GTF2H1: variants seen among roughly 807,000 people sequenced by gnomAD.
GTF2H1 encodes the protein general transcription factor IIH subunit 1.
Under a neutral mutation model 71.2 loss-of-function variants are expected in GTF2H1, and 16 were observed. The observed-to-expected ratio is 0.22, with a 90% CI of 0.15 to 0.34. The LOEUF (loss-of-function observed/expected upper bound fraction) is 0.34. Among genes scored for constraint, GTF2H1 ranks in the 10% least tolerant of loss-of-function variants. GTF2H1 has a pLI of 1.00. For missense variants in GTF2H1, 498 were observed against 648.2 expected (o/e 0.77, Z 2.52); for synonymous variants, 215 against 219.0 (o/e 0.98, Z 0.16).
intron 1 of GTF2H1, among the ~76,000 whole-genome samples, chr11:18,323,799 A>C (rs1565000369): frequency 1.3e-5 from 2 of 150,892 alleles, no homozygotes; most frequent in Non-Finnish European, 2.9e-5. Context: ...ACTCCTTGGA[A>C]CACAGTTTGA....
At chr11:18,360,925 C>T (rs1430127927) in intron 14 of GTF2H1, among the ~76,000 whole-genome samples, 1 of 151,834 alleles carries the variant, frequency 6.6e-6, no homozygotes, top group African/African-American at 2.4e-5. Context: ...CCTGCCTCAG[C>T]CTTCTGAGTA....
At chr11:18,323,331 C>T (rs1469589111) in intron 1 of GTF2H1, among the ~76,000 whole-genome samples, 4 of 151,842 alleles carry the variant, frequency 2.6e-5, no homozygotes, top group Non-Finnish European at 5.9e-5. Flanking sequence ...GAGTCTTGTT[C>T]TGTCGTCCTG....
chr11:18,335,480 A>G (rs1865003709), intron 2 of GTF2H1, among the ~76,000 whole-genome samples: 1 of 152,206 alleles, frequency 6.6e-6, no homozygotes, highest in Non-Finnish European at 1.5e-5. Context: ...AATGGTAACA[A>G]AAGCCCATTA....
intron 14 of GTF2H1, among the ~76,000 whole-genome samples, chr11:18,362,077 C>T (rs539421942): frequency 9.2e-5 from 14 of 152,310 alleles, no homozygotes; most frequent in African/African-American, 3.4e-4. Context: ...ATGAACCTCA[C>T]AGAGTGTACT....
chr11:18,350,346 AGG>A (rs955254802), intron 9 of GTF2H1, among the ~76,000 whole-genome samples: 1 of 152,208 alleles, frequency 6.6e-6, no homozygotes, highest in Non-Finnish European at 1.5e-5. Flanking sequence ...AGGCAACAGC[AGG>A]GGTAGAGATA....
chr11:18,329,384 G>A (rs1216333355), intron 1 of GTF2H1, among the ~76,000 whole-genome samples: 1 of 152,136 alleles, frequency 6.6e-6, no homozygotes, highest in African/African-American at 2.4e-5. Flanking sequence ...GTACCACTGT[G>A]CTCATGTCAG....
At position 18,332,425 on chromosome 11, in the gene GTF2H1, G is replaced by A. The variant is rs369012802; in HGVS notation, c.-15-635G>A. Among the ~76,000 whole-genome samples the A allele has an allele frequency of 5.3e-5, 8 of 152,348 alleles. No individual in the cohort carries two copies. In the East Asian group the frequency reaches 1.3e-3, roughly 26 times the overall value. On this transcript the variant is annotated intron_variant, in intron 1 of 14. Transcript: ENST00000265963. ...TTCTCAGAGGCAGGGGATGGAGGTG[G>A]AGGGACCAGACTCTTTCTTAGGTAA...
chr11:18,353,202 G>A (rs927408585), intron 11 of GTF2H1, among the ~76,000 whole-genome samples: 1 of 152,228 alleles, frequency 6.6e-6, no homozygotes, highest in Non-Finnish European at 1.5e-5. Flanking sequence ...TCCAGCCTGG[G>A]CGACAAGAGC....
intron 7 of GTF2H1, among the ~76,000 whole-genome samples, chr11:18,342,130 G>T (rs1865170958): frequency 6.6e-6 from 1 of 151,818 alleles, no homozygotes; most frequent in Admixed American, 6.6e-5. Context: ...GATGGTTCCT[G>T]TTGTGATCAA....
At chr11:18,329,351 C>G (rs4150550) in intron 1 of GTF2H1, among the ~76,000 whole-genome samples, 98,072 of 151,984 alleles carry the variant, frequency 0.65, 32,656 homozygotes, top group East Asian at 0.96. Flanking sequence ...TCTGCTCTTC[C>G]TTCTCATTAA....
chr11:18,359,311 C>T (rs1033497247), intron 13 of GTF2H1, among the ~76,000 whole-genome samples: 3 of 152,054 alleles, frequency 2.0e-5, no homozygotes, highest in African/African-American at 7.2e-5. Context: ...GGGGCTGAGG[C>T]GGGAGAATTG....
At chr11:18,361,273 A>T (rs1865689403) in intron 14 of GTF2H1, among the ~76,000 whole-genome samples, 2 of 152,220 alleles carry the variant, frequency 1.3e-5, no homozygotes, top group Non-Finnish European at 2.9e-5. Context: ...ATATTCCCTG[A>T]GTGCCCCTGT....
intron 11 of GTF2H1, among the ~76,000 whole-genome samples, chr11:18,353,120 G>A (rs1865464174): frequency 6.6e-6 from 1 of 152,202 alleles, no homozygotes. Context: ...AGCTACTCAA[G>A]ACGCTGAGGC....
chr11:18,331,408 T>C (rs1565004655), intron 1 of GTF2H1, among the ~76,000 whole-genome samples: 1 of 151,940 alleles, frequency 6.6e-6, no homozygotes, highest in African/African-American at 2.4e-5. Context: ...GGCTCACACC[T>C]GTAATCCCAG....
intron 7 of GTF2H1, among the ~76,000 whole-genome samples, chr11:18,345,813 A>G (rs1295107978): frequency 9.2e-5 from 2 of 21,840 alleles, no homozygotes; most frequent in Admixed American, 5.9e-4. Flanking sequence ...TTTTTTTGAG[A>G]CGGAGTCTTG....
chr11:18,364,967 C>T (rs540594509), intron 14 of GTF2H1, among the ~76,000 whole-genome samples: 7 of 151,680 alleles, frequency 4.6e-5, no homozygotes, highest in South Asian at 4.2e-4. Flanking sequence ...CAGCAGCTCA[C>T]GCCTGTAATC....
At chr11:18,326,148 T>C (rs1447907246) in intron 1 of GTF2H1, 3 of 152,338 alleles carry the variant, frequency 2.0e-5, no homozygotes, top group African/African-American at 7.2e-5. Context: ...TTGTGCCCAA[T>C]GTTCGGTAAT....
At chr11:18,357,860 T>C (rs1865595686) in intron 11 of GTF2H1, 92 bp from the exon 12 acceptor site, 1 of 757,870 alleles carries the variant, frequency 1.3e-6, no homozygotes, top group South Asian at 1.5e-5. Flanking sequence ...AGCACTTCAT[T>C]GTCTGCTCTA....
chr11:18,341,515 G>A lies in GTF2H1; in HGVS notation c.758-13G>A. On this transcript the variant is annotated splice_polypyrimidine_tract_variant and intron_variant, in intron 6 of 14. Coordinates refer to ENST00000265963, the MANE Select transcript of GTF2H1 (RefSeq NM_005316.4). ...TAAGACATGCTGAACTTTTTATTTT[G>A]TTGATTTTCTAGGCCTAAAAACAAT... is the stretch of plus-strand genomic sequence containing the variant. The A allele has an allele frequency of 6.2e-7, 1 of 1,607,864 alleles. No homozygotes were observed. The highest frequency in any genetic ancestry group is 8.5e-7 in the Non-Finnish European group (1 of 1,177,038).
Sources: allele counts gnomAD v4.1 joint callset (sites outside exome capture counted in the v4.1 genomes callset), GRCh38; gene constraint gnomAD v4.1.1; transcripts MANE v1.5; gene names NCBI Gene and HGNC (gene_info 2026-07-23, HGNC 2026-07-21).